Variants in MIOS observed in about 807,000 individuals in gnomAD.
The protein encoded by MIOS is meiosis regulator for oocyte development, also known as GATOR2 complex protein MIOS.
Under a neutral mutation model 96.9 loss-of-function variants are expected in MIOS, and 52 were observed. The observed-to-expected ratio is 0.54, with a 90% CI of 0.43 to 0.68. The LOEUF (loss-of-function observed/expected upper bound fraction) is 0.68. Among genes scored for constraint, MIOS ranks in the 30% least tolerant of loss-of-function variants. The pLI, the probability that MIOS is intolerant of heterozygous loss-of-function variation, is 0.00. For missense variants in MIOS, 1,005 were observed against 1,052.8 expected, an observed-to-expected ratio of 0.95 and a Z score of 0.63; for synonymous variants, 397 against 359.5, an observed-to-expected ratio of 1.10 and a Z score of -1.18.
Position 7,596,900 on chromosome 7 carries a change from T to C in MIOS, c.2401+439T>C, listed in dbSNP as rs116631925. On this transcript the variant is annotated intron_variant, in intron 11 of 12. Coordinates refer to ENST00000340080, the MANE Select transcript of MIOS (RefSeq NM_019005.4). ...TCATCTTCAAAACCTACCTATAAAA[T>C]ACATGAGAGAAGGGTCAGTTGCAGT... 4.7e-3 allele frequency among the ~76,000 whole-genome samples: 716 copies of C among 152,212 alleles called. 6 individuals are homozygous for C. The highest frequency in any genetic ancestry group is 0.016 in the African/African-American group (685 of 41,522).
intron 3 of MIOS, among the ~76,000 whole-genome samples, chr7:7,570,066 T>G (rs1469635121): frequency 6.6e-6 from 1 of 152,148 alleles, no homozygotes; most frequent in African/African-American, 2.4e-5. Context: ...TGTAGAAAGA[T>G]TTTTACTCTG....
At chr7:7,593,094 A>G (rs1178468206) in intron 9 of MIOS, among the ~76,000 whole-genome samples, 1 of 152,164 alleles carries the variant, frequency 6.6e-6, no homozygotes, top group Non-Finnish European at 1.5e-5. Context: ...CCAAATTCTT[A>G]CTTAGTTTAT....
At chr7:7,591,251 G>C (rs1300381992) in intron 9 of MIOS, among the ~76,000 whole-genome samples, 2 of 148,188 alleles carry the variant, frequency 1.3e-5, no homozygotes, top group Non-Finnish European at 3.0e-5. Flanking sequence ...AGAATCAGCT[G>C]TTCTTATGCT....
At chr7:7,587,656 T>A (rs1159415728) in intron 7 of MIOS, among the ~76,000 whole-genome samples, 1 of 152,122 alleles carries the variant, frequency 6.6e-6, no homozygotes, top group Non-Finnish European at 1.5e-5. Flanking sequence ...TGCAACTGAA[T>A]CTAAGAGTTA....
At chr7:7,596,664 A>G (rs1022436904) in intron 11 of MIOS, among the ~76,000 whole-genome samples, 1 of 152,210 alleles carries the variant, frequency 6.6e-6, no homozygotes, top group Non-Finnish European at 1.5e-5. Context: ...ACTTCAGGTA[A>G]TTTCACAAGT....
chr7:7,606,982 A>G lies in MIOS; in HGVS notation c.2532-14A>G, dbSNP rs1423878158. 2 of 1,585,358 alleles carry G rather than the reference A, an allele frequency of 1.3e-6. No homozygotes were observed. Among genetic ancestry groups the G allele is most frequent in the South Asian group, 1.1e-5 (1 of 88,992 alleles). ...AATTTGGATTTTTAACTGTTATTTG[A>G]CCTATTTTTTTAGGGACCATGCAGA... On this transcript the variant is annotated splice_polypyrimidine_tract_variant and intron_variant, in intron 12 of 12. Coordinates refer to ENST00000340080, the MANE Select transcript of MIOS (RefSeq NM_019005.4).
At chr7:7,570,197 T>G (rs920821395) in intron 3 of MIOS, among the ~76,000 whole-genome samples, 1 of 152,146 alleles carries the variant, frequency 6.6e-6, no homozygotes, top group Non-Finnish European at 1.5e-5. Context: ...TTCAGAGGCT[T>G]GAGACTATCC....
Position 7,588,479 on chromosome 7 carries a change from C to A in MIOS, c.1819-19C>A. 6.5e-7 allele frequency: 1 copy of A among 1,543,678 alleles called. No homozygotes were observed. Among genetic ancestry groups the A allele is most frequent in the Non-Finnish European group, 8.8e-7 (1 of 1,141,156 alleles). Reference sequence around the variant, plus strand: ...CAGTGCGCCTAGAAGTAACTCCTTGCTTTTTCTCTTCTTTCCAGTATGAAA... The same window carrying A: ...CAGTGCGCCTAGAAGTAACTCCTTGATTTTTCTCTTCTTTCCAGTATGAAA... On this transcript the variant is annotated intron_variant, in intron 7 of 12. Transcript: ENST00000340080.
intron 5 of MIOS, among the ~76,000 whole-genome samples, chr7:7,575,688 A>G (rs1236055335): frequency 6.6e-6 from 1 of 152,102 alleles, no homozygotes; most frequent in African/African-American, 2.4e-5. Context: ...TTGTATTTTG[A>G]TATATTTTAA....
intron 10 of MIOS, among the ~76,000 whole-genome samples, chr7:7,595,798 C>T (rs1261575382): frequency 6.6e-6 from 1 of 152,138 alleles, no homozygotes; most frequent in East Asian, 1.9e-4. Flanking sequence ...ACAAAATGAA[C>T]AGCTTCTATT....
rs761242114 is a variant in MIOS at position 7,573,191 on chromosome 7, G to A, written c.716G>A (p.Arg239His). ...GVTVDPYFHD[R>H]VASFYEGQVA... ...ACGGTAGACCCATATTTCCACGATC[G>A]TGTTGCTTCCTTCTATGAAGGTCAG... is the stretch of plus-strand genomic sequence containing the variant. The change falls in exon 4 of 13, where the codon CGT becomes CAT. Residue 239 changes from arginine to histidine, a missense_variant. Arg to His is a conservative substitution (Grantham distance 29). Around this residue, in one of 3 missense-constraint regions of MIOS, gnomAD observed 865 missense variants for 887.9 expected, o/e 0.97. Coordinates refer to ENST00000340080, the MANE Select transcript of MIOS (RefSeq NM_019005.4). This position sits in a 1 kb window ranked among gnomAD's most constrained non-coding sequence, Gnocchi z 5.0. The A allele has an allele frequency of 7.4e-6, 12 of 1,614,062 alleles. No homozygotes were observed. Among genetic ancestry groups the A allele is most frequent in the Non-Finnish European group, 1.0e-5 (12 of 1,179,952 alleles).
chr7:7,605,024 A>T (rs1467161929), intron 11 of MIOS: 1 of 152,178 alleles, frequency 6.6e-6, no homozygotes, highest in African/African-American at 2.4e-5. Flanking sequence ...TTCACCTCAT[A>T]TCATTAGCAA....
intron 12 of MIOS, among the ~76,000 whole-genome samples, 156 bp from the exon 13 acceptor site, chr7:7,606,840 A>C (rs1290093024): frequency 1.3e-5 from 2 of 152,150 alleles, no homozygotes; most frequent in African/African-American, 4.8e-5. Context: ...AGTCCCAGCT[A>C]CTCAGGAGGC....
At chr7:7,592,528 A>C (rs1025424406) in intron 9 of MIOS, among the ~76,000 whole-genome samples, 1 of 152,118 alleles carries the variant, frequency 6.6e-6, no homozygotes, top group African/African-American at 2.4e-5. Flanking sequence ...ATTGCACTGT[A>C]ATACATAATG....
intron 11 of MIOS, among the ~76,000 whole-genome samples, chr7:7,604,952 A>C (rs1784484903): frequency 6.6e-6 from 1 of 152,052 alleles, no homozygotes; most frequent in African/African-American, 2.4e-5. Context: ...ATTGTTGGTG[A>C]CCCTTTCAGG....
chr7:7,576,495 G>A (rs1319422042), intron 5 of MIOS, among the ~76,000 whole-genome samples: 1 of 152,168 alleles, frequency 6.6e-6, no homozygotes, highest in Non-Finnish European at 1.5e-5. Context: ...TAAAGACAAG[G>A]TCCAGACAGG....
chr7:7,583,937 T>G (rs1783807146), intron 6 of MIOS, among the ~76,000 whole-genome samples: 1 of 152,138 alleles, frequency 6.6e-6, no homozygotes, highest in African/African-American at 2.4e-5. Context: ...GTTTTTTTAC[T>G]CTGGCATTTT....
chr7:7,600,465 A>C (rs1784342899), intron 11 of MIOS, among the ~76,000 whole-genome samples: 1 of 152,222 alleles, frequency 6.6e-6, no homozygotes, highest in South Asian at 2.1e-4. Flanking sequence ...AGATCAAAAG[A>C]GACAAGGCCA....
At chr7:7,606,528 C>G (rs1009966833) in intron 12 of MIOS, among the ~76,000 whole-genome samples, 1 of 152,048 alleles carries the variant, frequency 6.6e-6, no homozygotes, top group Non-Finnish European at 1.5e-5. Flanking sequence ...TGCCAGTGGC[C>G]CTGTGCTCCT....
Sources: gnomAD v4.1 joint callset for allele counts (sites outside exome capture counted in the v4.1 genomes callset) on GRCh38, gnomAD v4.1.1 for gene constraint, gnomAD v4.1.1 regional missense constraint, Gnocchi (gnomAD v3.1) non-coding constraint, MANE v1.5 for transcripts, NCBI Gene and HGNC (gene_info 2026-07-23, HGNC 2026-07-21) for gene names.